The following HSPA12A variants were observed in gnomAD, a reference collection of about 807,000 sequenced individuals.
HSPA12A encodes the protein heat shock protein family A (Hsp70) member 12A, also known as heat shock 70 kDa protein 12A.
Under a neutral mutation model 69.2 loss-of-function variants are expected in HSPA12A, and 28 were observed. The ratio of observed to expected loss-of-function variants is 0.40; its 90% confidence interval spans 0.30 to 0.55. HSPA12A has a LOEUF of 0.55. Among genes scored for constraint, HSPA12A ranks in the 20% least tolerant of loss-of-function variants. The probability of loss-of-function intolerance (pLI) is 0.38; values close to 1 mark genes in which losing one functional copy is unlikely to be tolerated. For synonymous variants in HSPA12A, 345 were observed against 370.5 expected, an observed-to-expected ratio of 0.93 and a Z score of 0.79; for missense variants, 686 against 900.7, an observed-to-expected ratio of 0.76 and a Z score of 3.05.
At position 116,740,315 on chromosome 10, in the gene HSPA12A, C is replaced by T. The variant is rs1227799027; in HGVS notation, c.40+2115G>A. Among the ~76,000 whole-genome samples, 3 of 152,168 alleles carry T rather than the reference C, an allele frequency of 2.0e-5. No homozygotes were observed. The East Asian group carries it at 5.8e-4, about 29-fold the overall frequency. ...CAATAAAATAATGCACGCTCTTTTC[C>T]CAGCAATGAGGAAACCTTAGAAATA... On this transcript the variant is annotated intron_variant, in intron 1 of 11. Transcript: ENST00000369209.
At chr10:116,682,459 G>GGC (rs1554878767) in intron 7 of HSPA12A, among the ~76,000 whole-genome samples, 1 of 151,778 alleles carries the variant, frequency 6.6e-6, no homozygotes, top group African/African-American at 2.4e-5. Context: ...ATAGACTGGG[G>GGC]GGGGGGGCCA....
At chr10:116,834,850 C>T in intron 2 of HSPA12A, 2 of 695,706 alleles carry the variant, frequency 2.9e-6, no homozygotes, top group Non-Finnish European at 4.0e-6. Context: ...TTAAACATAC[C>T]TAGTCCCTCT....
At chr10:116,677,440 G>A (rs1849272497) in intron 10 of HSPA12A, among the ~76,000 whole-genome samples, 2 of 152,216 alleles carry the variant, frequency 1.3e-5, no homozygotes, top group Admixed American at 1.3e-4. Context: ...AATGTGGTGT[G>A]GTATGGAATG....
chr10:116,730,707 A>G (rs934478205), intron 1 of HSPA12A, among the ~76,000 whole-genome samples: 10 of 152,202 alleles, frequency 6.6e-5, no homozygotes, highest in Non-Finnish European at 1.3e-4. Flanking sequence ...CCCACCCCCA[A>G]CCTGTTCTAG....
intron 1 of HSPA12A, among the ~76,000 whole-genome samples, chr10:116,732,146 C>T (rs781911181): frequency 2.6e-5 from 4 of 151,820 alleles, no homozygotes; most frequent in African/African-American, 4.8e-5. Flanking sequence ...GCCTGGCCAA[C>T]GTGATGAAAC....
rs73377097 is a variant in HSPA12A, at chr10:116,721,211, T to C, written c.41-13926A>G. ...ATGGCAAAATTTCAAGGGTAACTAA[T>C]CTTGAAAGCAGTTGAAATTGAATCC... On this transcript the variant is annotated intron_variant, in intron 1 of 11. Transcript: ENST00000369209. 2.5e-3 allele frequency among the ~76,000 whole-genome samples: 382 copies of C among 152,332 alleles called. 1 individual carries two copies. The highest frequency in any genetic ancestry group is 8.9e-3 in the African/African-American group (369 of 41,574).
At chr10:116,796,893 C>T (rs79845044) in intron 2 of HSPA12A, among the ~76,000 whole-genome samples, 22 of 152,138 alleles carry the variant, frequency 1.4e-4, no homozygotes, top group African/African-American at 4.8e-4. Context: ...CATTTCCAAA[C>T]CCTCACTATA....
chr10:116,679,017 G>A (rs375234985), intron 10 of HSPA12A, among the ~76,000 whole-genome samples: 13 of 151,786 alleles, frequency 8.6e-5, no homozygotes, highest in East Asian at 1.9e-4. Context: ...GCTTTAAACC[G>A]TCTTCTAAAT....
At chr10:116,739,047 A>G (rs1851398781) in intron 1 of HSPA12A, among the ~76,000 whole-genome samples, 1 of 152,154 alleles carries the variant, frequency 6.6e-6, no homozygotes, top group Non-Finnish European at 1.5e-5. Flanking sequence ...TGTCACTACC[A>G]TCTACAGCTT....
chr10:116,783,496 C>T (rs880904), intron 2 of HSPA12A, among the ~76,000 whole-genome samples: 5,022 of 152,226 alleles, frequency 0.033, 293 homozygotes, highest in African/African-American at 0.11. Context: ...AGGCTGCACA[C>T]GGACAAAGAG....
intron 5 of HSPA12A, 141 bp downstream of exon 5, chr10:116,698,494 T>C (rs1209770401): frequency 6.8e-6 from 4 of 591,416 alleles, no homozygotes; most frequent in Admixed American, 2.6e-5. Flanking sequence ...GTTCATCCTG[T>C]TGTGTTGACT....
intron 2 of HSPA12A, among the ~76,000 whole-genome samples, chr10:116,808,934 C>T (rs888822947): frequency 2.0e-5 from 3 of 152,194 alleles, no homozygotes; most frequent in Non-Finnish European, 4.4e-5. Context: ...TTCAGTATCA[C>T]GCCCCCAGTG....
At chr10:116,822,614 T>C (rs1399004964) in intron 2 of HSPA12A, among the ~76,000 whole-genome samples, 1 of 152,208 alleles carries the variant, frequency 6.6e-6, no homozygotes, top group African/African-American at 2.4e-5. Flanking sequence ...TGGGGACTGG[T>C]TGGATACGGT....
intron 2 of HSPA12A, chr10:116,831,210 ATTG>A (rs1845607158): frequency 1.3e-5 from 2 of 152,214 alleles, no homozygotes; most frequent in African/African-American, 4.8e-5. Flanking sequence ...TGTTACCACT[ATTG>A]TTGTCATTGA....
chr10:116,726,027 GCACACA>G (rs71013613), intron 1 of HSPA12A, among the ~76,000 whole-genome samples: 9 of 146,114 alleles, frequency 6.2e-5, no homozygotes, highest in Admixed American at 4.1e-4. Flanking sequence ...ACACACACAC[GCACACA>G]CACACACACA....
intron 2 of HSPA12A, among the ~76,000 whole-genome samples, chr10:116,808,730 T>C (rs1050585346): frequency 4.6e-5 from 7 of 151,524 alleles, no homozygotes; most frequent in African/African-American, 1.7e-4. Context: ...AGTTGAAGAG[T>C]CCCTCCTTTG....
In HSPA12A at chr10:116,676,457, A is replaced by G; in HGVS notation, c.1332T>C (p.Ser444=). Reference sequence around the variant, plus strand: ...TAAAAAGGGCGTTCATGGCATCTGGACTCATCCGCAGCATCCCCTGCGAGG... The same window carrying G: ...TAAAAAGGGCGTTCATGGCATCTGGGCTCATCCGCAGCATCCCCTGCGAGG... ...KWSSQGMLRM[S]PDAMNALFKP... is the part of the protein sequence containing the mutation. Residue 444 remains serine, a synonymous_variant, in exon 11 of 12, where the codon AGT becomes AGC. Coordinates refer to ENST00000369209, the MANE Select transcript of HSPA12A (RefSeq NM_025015.3). 1 of 1,613,962 alleles carries G rather than the reference A, an allele frequency of 6.2e-7. No homozygotes were observed. The highest frequency in any genetic ancestry group is 8.5e-7 in the Non-Finnish European group (1 of 1,180,024).
rs541769262 is a variant in HSPA12A at position 116,755,157 on chromosome 10, T to C, written c.92-47872A>G. On this transcript the variant is annotated intron_variant, in intron 2 of 12. Coordinates refer to the HSPA12A transcript ENST00000635765. ...TTAATAGAGATGAGGTTTCACCATG[T>C]TGGCCAGCTGGTCTCAAACTCCTAA... 5.9e-5 allele frequency among the ~76,000 whole-genome samples: 9 copies of C among 152,212 alleles called. No homozygotes were observed. In the East Asian group the frequency reaches 1.8e-3, roughly 30 times the overall value.
chr10:116,717,621 T>A lies in HSPA12A; in HGVS notation c.41-10336A>T, dbSNP rs535332107. ...GGCATCTATATCTGTAAAATCTGGC[T>A]CATGGCAAGCACCCGATACATTATG... On this transcript the variant is annotated intron_variant, in intron 1 of 11. Transcript: ENST00000369209. 2.6e-5 allele frequency among the ~76,000 whole-genome samples: 4 copies of A among 152,268 alleles called. 1 individual carries two copies. In the East Asian group the frequency reaches 7.7e-4, roughly 29 times the overall value.
Sources: allele counts gnomAD v4.1 joint callset (sites outside exome capture counted in the v4.1 genomes callset), GRCh38; gene constraint gnomAD v4.1.1; transcripts MANE v1.5; gene names NCBI Gene and HGNC (gene_info 2026-07-23, HGNC 2026-07-21).